TICAM1: variants seen among roughly 807,000 people sequenced by gnomAD.
TICAM1 encodes the protein TIR domain containing adaptor molecule 1.
For missense variants in TICAM1, 895 were observed against 938.2 expected (o/e 0.95, Z 0.60); for synonymous variants, 439 against 415.4 (o/e 1.06, Z -0.69).
intron 1 of TICAM1, among the ~76,000 whole-genome samples, chr19:4,824,586 C>T (rs1349865344): frequency 4.6e-5 from 7 of 150,824 alleles, no homozygotes; most frequent in East Asian, 2.0e-4. Context: ...CCACCTGCCT[C>T]GGCCTCCCAA....
intron 1 of TICAM1, among the ~76,000 whole-genome samples, chr19:4,822,920 G>A (rs1468513401): frequency 6.6e-6 from 1 of 152,190 alleles, no homozygotes; most frequent in Non-Finnish European, 1.5e-5. Context: ...ATATGTTGAA[G>A]TGCCAACCTC....
At chr19:4,830,875 A>G (rs2093612677) in intron 1 of TICAM1, among the ~76,000 whole-genome samples, 1 of 152,130 alleles carries the variant, frequency 6.6e-6, no homozygotes, top group Non-Finnish European at 1.5e-5. Flanking sequence ...AGCTTCTGGA[A>G]GGTGAAGCCA....
intron 1 of TICAM1, among the ~76,000 whole-genome samples, chr19:4,824,642 G>T (rs568185399): frequency 1.2e-4 from 17 of 146,864 alleles, no homozygotes; most frequent in Admixed American, 9.5e-4. Context: ...ACAAAGAAGG[G>T]AACAACAGGG....
rs57574607 is a variant in TICAM1, at chr19:4,827,372, C to CAAA, written c.-140+4239_-140+4241dup. 3.0e-3 allele frequency among the ~76,000 whole-genome samples: 160 copies of CAAA among 54,162 alleles called. 4 individuals carry two copies. Among genetic ancestry groups the CAAA allele is most frequent in the African/African-American group, 6.3e-3 (95 of 15,050 alleles). 35.5% of individuals were successfully genotyped at this position (54,162 alleles called of 152,430 possible). Reference sequence around the variant, plus strand: ...GGCTACAAGAGTGAAACTCTGTCTCCAAAAAAAAAAAAAAAAAAAAAAAAA... The same window carrying CAAA: ...GGCTACAAGAGTGAAACTCTGTCTCCAAAAAAAAAAAAAAAAAAAAAAAAAAAA... On this transcript the variant is annotated intron_variant, in intron 1 of 1. Coordinates refer to ENST00000248244, the MANE Select transcript of TICAM1 (RefSeq NM_182919.4).
intron 1 of TICAM1, among the ~76,000 whole-genome samples, chr19:4,828,967 T>A (rs541897024): frequency 3.9e-5 from 6 of 152,062 alleles, no homozygotes; most frequent in African/African-American, 1.4e-4. Context: ...TCCAAAATTC[T>A]GGGATTACAG....
rs771172794 is a variant in TICAM1, at chr19:4,816,205, G to A, written c.*34C>T. 4 of 1,490,736 alleles carry A rather than the reference G, an allele frequency of 2.7e-6. No homozygotes were observed. The highest frequency in any genetic ancestry group is 2.8e-5 in the South Asian group (2 of 72,488). 92.3% of individuals were successfully genotyped at this position (1,490,736 alleles called of 1,614,324 possible). A position where few individuals can be genotyped will look rare whatever the true frequency, so the allele number is the denominator to read the frequency against. ...GTCCTGGCCGATGCCTGGGTCCAGGGGTGTTCCCCAGGTGGTCAGGCAAGG... is the reference window on the plus strand; with the variant it reads ...GTCCTGGCCGATGCCTGGGTCCAGGAGTGTTCCCCAGGTGGTCAGGCAAGG... On this transcript the variant is annotated 3_prime_UTR_variant, in exon 2 of 2. Transcript: ENST00000248244. This position sits in a 1 kb window ranked among gnomAD's most constrained non-coding sequence, Gnocchi z 4.3.
rs559619084 is a variant in TICAM1, at chr19:4,825,517, G to A, written c.-140+6097C>T. 6.7e-5 allele frequency among the ~76,000 whole-genome samples: 10 copies of A among 150,166 alleles called. 1 individual carries two copies. The East Asian group carries it at 1.7e-3, about 25-fold the overall frequency. ...ATTACAGGCGTGAGCCACCGCGGCCGGCATTTTATCTAATTTTTAATTAAT... is the reference window on the plus strand; with the variant it reads ...ATTACAGGCGTGAGCCACCGCGGCCAGCATTTTATCTAATTTTTAATTAAT... On this transcript the variant is annotated intron_variant, in intron 1 of 1. Coordinates refer to ENST00000248244, the MANE Select transcript of TICAM1 (RefSeq NM_182919.4).
chr19:4,817,803 C>T lies in TICAM1; in HGVS notation c.575G>A (p.Cys192Tyr). 6.3e-7 allele frequency: 1 copy of T among 1,597,834 alleles called. No homozygotes were observed. The highest frequency in any genetic ancestry group is 8.5e-7 in the Non-Finnish European group (1 of 1,174,612). Reference sequence around the variant, plus strand: ...AGGGCTGCCAGTGGATCGCAGGGAGCACCCTTGGCTCCAGTCCGAAACACC... The same window carrying T: ...AGGGCTGCCAGTGGATCGCAGGGAGTACCCTTGGCTCCAGTCCGAAACACC... ...IDGVSDWSQG[C>Y]SLRSTGSPAS... Residue 192 changes from cysteine (C) to tyrosine (Y), a missense_variant, in exon 2 of 2, where the codon TGC (cysteine) becomes TAC (tyrosine). Transcript: ENST00000248244. The surrounding 1 kb of genome is among the most constrained non-coding windows in gnomAD (Gnocchi z 4.7).
At chr19:4,823,667 A>G (rs1274727170) in intron 1 of TICAM1, among the ~76,000 whole-genome samples, 1 of 151,954 alleles carries the variant, frequency 6.6e-6, no homozygotes, top group African/African-American at 2.4e-5. Flanking sequence ...GGGCATTCAG[A>G]TACAGACACG....
chr19:4,816,835 C>T lies in TICAM1; in HGVS notation c.1543G>A (p.Glu515Lys), dbSNP rs2146168208. The change falls in exon 2 of 2, where the codon GAA becomes AAA. Residue 515 changes from glutamate (E) to lysine (K), a missense_variant. Transcript: ENST00000248244. This position sits in a 1 kb window ranked among gnomAD's most constrained non-coding sequence, Gnocchi z 4.3. The part of the protein sequence containing the change: ...SLLSGLVRLD[E>K]HSQIFARKVA... Reference sequence around the variant, plus strand: ...TTCCTGGCGAAGATCTGGGAGTGTTCGTCCAGCCGCACCAGCCCGGAGAGC... The same window carrying T: ...TTCCTGGCGAAGATCTGGGAGTGTTTGTCCAGCCGCACCAGCCCGGAGAGC... The T allele has an allele frequency of 1.2e-6, 2 of 1,612,532 alleles. No individual in the cohort carries two copies. Among genetic ancestry groups the T allele is most frequent in the Non-Finnish European group, 1.7e-6 (2 of 1,180,028 alleles).
At chr19:4,820,017 AC>A (rs1457505025) in intron 1 of TICAM1, among the ~76,000 whole-genome samples, 1 of 152,144 alleles carries the variant, frequency 6.6e-6, no homozygotes, top group East Asian at 1.9e-4. Context: ...GCCAGGCACC[AC>A]ATCCACTCAT....
chr19:4,823,602 G>T (rs374396855), intron 1 of TICAM1, among the ~76,000 whole-genome samples: 12 of 152,038 alleles, frequency 7.9e-5, no homozygotes, highest in African/African-American at 2.9e-4. Context: ...TCTCGCCACT[G>T]CACTCCAGCC....
chr19:4,817,600 C>G lies in TICAM1; in HGVS notation c.778G>C (p.Glu260Gln). 1 of 1,602,514 alleles carries G rather than the reference C, an allele frequency of 6.2e-7. No individual in the cohort carries two copies. Among genetic ancestry groups the G allele is most frequent in the Non-Finnish European group, 8.5e-7 (1 of 1,174,920 alleles). The change falls in exon 2 of 2, where the codon GAG becomes CAG. Residue 260 changes from glutamate (E) to glutamine (Q), a missense_variant. Transcript: ENST00000248244. This position sits in a 1 kb window ranked among gnomAD's most constrained non-coding sequence, Gnocchi z 4.7. ...PEEMSWPPSGEIASPPELPSS... is the reference protein window; with the variant it reads ...PEEMSWPPSGQIASPPELPSS... ...GGCAGCTCTGGTGGGCTGGCAATCT[C>G]CCCCGATGGCGGCCAGCTCATCTCC...
In TICAM1 at chr19:4,817,073, C is replaced by A; in HGVS notation, c.1305G>T (p.Gly435=). The A allele has an allele frequency of 6.2e-7, 1 of 1,614,138 alleles. No homozygotes were observed. Among genetic ancestry groups the A allele is most frequent in the East Asian group, 2.2e-5 (1 of 44,874 alleles). ...ATFCEDFQVP[G]RGELSCLQDA... ...CCTGCAGGCAGCTCAGCTCCCCGCG[C>A]CCCGGCACCTGGAAATCCTCGCAGA... Residue 435 remains glycine (G), a synonymous_variant, in exon 2 of 2, where the codon GGG becomes GGT. Coordinates refer to ENST00000248244, the MANE Select transcript of TICAM1 (RefSeq NM_182919.4). The surrounding 1 kb of genome is among the most constrained non-coding windows in gnomAD (Gnocchi z 4.7).
chr19:4,820,313 G>A (rs4807648), intron 1 of TICAM1, among the ~76,000 whole-genome samples: 23,070 of 151,150 alleles, frequency 0.15, 1,859 homozygotes, highest in Middle Eastern at 0.21. Context: ...CCAGCTACTC[G>A]GGAGGCTGAG....
intron 1 of TICAM1, among the ~76,000 whole-genome samples, chr19:4,823,607 C>G (rs981511827): frequency 6.6e-5 from 10 of 152,076 alleles, no homozygotes; most frequent in Admixed American, 6.6e-4. Context: ...CCACTGCACT[C>G]CAGCCTGGGT....
In TICAM1 at chr19:4,817,595, A is replaced by T. The variant is rs1600053838; in HGVS notation, c.783T>A (p.Ile261=). 1 of 1,606,478 alleles carries T rather than the reference A, an allele frequency of 6.2e-7. No individual in the cohort carries two copies. Among genetic ancestry groups the T allele is most frequent in the Non-Finnish European group, 8.5e-7 (1 of 1,176,834 alleles). The stretch of plus-strand genomic sequence containing the variant: ...TGCTTGGCAGCTCTGGTGGGCTGGC[A>T]ATCTCCCCCGATGGCGGCCAGCTCA... The part of the protein sequence containing the change: ...EEMSWPPSGE[I]ASPPELPSSP... The change falls in exon 2 of 2, where the codon ATT becomes ATA. Residue 261 remains isoleucine, a synonymous_variant. Transcript: ENST00000248244. This position sits in a 1 kb window ranked among gnomAD's most constrained non-coding sequence, Gnocchi z 4.7.
Position 4,818,661 on chromosome 19 carries a change from C to T in TICAM1, c.-139-145G>A, listed in dbSNP as rs985646745. 4 of 395,472 alleles carry T rather than the reference C, an allele frequency of 1.0e-5. No homozygotes were observed. The highest frequency in any genetic ancestry group is 6.2e-5 in the African/African-American group (3 of 48,410). 24.5% of individuals were successfully genotyped at this position (395,472 alleles called of 1,614,324 possible). A position where few individuals can be genotyped will look rare whatever the true frequency, so the allele number is the denominator to read the frequency against. On this transcript the variant is annotated intron_variant, in intron 1 of 1. Coordinates refer to ENST00000248244, the MANE Select transcript of TICAM1 (RefSeq NM_182919.4). The surrounding 1 kb of genome is among the most constrained non-coding windows in gnomAD (Gnocchi z 4.0). ...GGCAACACGTCGCCTCCTTCAACTTCCATTTCTTCCTCTGCAAAATGCTAT... is the reference window on the plus strand; with the variant it reads ...GGCAACACGTCGCCTCCTTCAACTTTCATTTCTTCCTCTGCAAAATGCTAT...
chr19:4,823,224 G>C (rs936971528), intron 1 of TICAM1, among the ~76,000 whole-genome samples: 3 of 152,140 alleles, frequency 2.0e-5, no homozygotes, highest in African/African-American at 7.2e-5. Context: ...CAGCACTTTG[G>C]GAGGCCGAGG....
Sources: gnomAD v4.1 joint callset for allele counts (sites outside exome capture counted in the v4.1 genomes callset) on GRCh38, gnomAD v4.1.1 for gene constraint, Gnocchi (gnomAD v3.1) non-coding constraint, MANE v1.5 for transcripts, NCBI Gene and HGNC (gene_info 2026-07-23, HGNC 2026-07-21) for gene names.